Variants in ALK observed in about 807,000 individuals in gnomAD.
ALK encodes ALK receptor tyrosine kinase, also known as ALK tyrosine kinase receptor.
In ALK, 74 loss-of-function variants were observed where a neutral mutation model predicts 163.1. The observed-to-expected ratio is 0.45, with a 90% CI of 0.38 to 0.55. ALK has a LOEUF of 0.55. Among genes scored for constraint, ALK ranks in the 20% least tolerant of loss-of-function variants. The pLI is 0.00. For missense variants in ALK, 2,063 were observed against 2,105.3 expected, an observed-to-expected ratio of 0.98 and a Z score of 0.39; for synonymous variants, 960 against 843.2, an observed-to-expected ratio of 1.14 and a Z score of -2.40.
chr2:29,488,449 G>A (rs910544972), intron 4 of ALK, among the ~76,000 whole-genome samples: 5 of 152,104 alleles, frequency 3.3e-5, no homozygotes, highest in East Asian at 1.9e-4. Context: ...GCAGAACAGC[G>A]CTAGTTCAGG....
intron 3 of ALK, among the ~76,000 whole-genome samples, chr2:29,546,881 G>A (rs1450239096): frequency 1.3e-5 from 2 of 152,058 alleles, no homozygotes; most frequent in Non-Finnish European, 1.5e-5. Flanking sequence ...ATCTACTGTG[G>A]TTCTCAGATA....
chr2:29,236,842 A>G (rs1664399398), intron 13 of ALK, among the ~76,000 whole-genome samples: 1 of 152,082 alleles, frequency 6.6e-6, no homozygotes, highest in Non-Finnish European at 1.5e-5. Context: ...TCTCAAATTT[A>G]TGCTAATTTC....
At chr2:29,649,131 T>C (rs1432162254) in intron 3 of ALK, among the ~76,000 whole-genome samples, 1 of 152,090 alleles carries the variant, frequency 6.6e-6, no homozygotes, top group African/African-American at 2.4e-5. Context: ...TATGATATTG[T>C]GTATGCCTTT....
chr2:29,913,555 C>T (rs1439483496), intron 1 of ALK, among the ~76,000 whole-genome samples: 1 of 152,130 alleles, frequency 6.6e-6, no homozygotes, highest in Non-Finnish European at 1.5e-5. Context: ...TCCACATGAT[C>T]CTAGACCTAC....
At chr2:29,518,367 T>C (rs1481547656) in intron 4 of ALK, among the ~76,000 whole-genome samples, 2 of 152,218 alleles carry the variant, frequency 1.3e-5, no homozygotes, top group African/African-American at 4.8e-5. Context: ...GAATTGAATT[T>C]CTTTCCGAAT....
chr2:29,424,107 G>A (rs757700036), intron 4 of ALK, among the ~76,000 whole-genome samples: 1 of 152,164 alleles, frequency 6.6e-6, no homozygotes, highest in Non-Finnish European at 1.5e-5. Flanking sequence ...AAGCAAGAAA[G>A]AGAAAGAGAG....
intron 24 of ALK, among the ~76,000 whole-genome samples, chr2:29,211,774 G>GAAAAGATTGATTGA (rs55700008): frequency 0.011 from 1,621 of 151,946 alleles, 15 homozygotes; most frequent in Non-Finnish European, 0.016. Context: ...TGCCCCAGAA[G>GAAAAGATTGATTGA]GACAGTTTCT....
chr2:29,199,253 C>T (rs906509399), intron 26 of ALK, among the ~76,000 whole-genome samples: 4 of 152,168 alleles, frequency 2.6e-5, no homozygotes, highest in Non-Finnish European at 5.9e-5. Flanking sequence ...CGCACCTGGC[C>T]TTAGTTGCTT....
intron 13 of ALK, among the ~76,000 whole-genome samples, chr2:29,235,856 C>CTT (rs569363324): frequency 0.12 from 4,536 of 38,112 alleles, 1,121 homozygotes; most frequent in South Asian, 0.2. Flanking sequence ...CCAGGCTCGA[C>CTT]TTTTTTTTTT....
chr2:29,853,741 C>T (rs1435573819), intron 1 of ALK, among the ~76,000 whole-genome samples: 5 of 152,146 alleles, frequency 3.3e-5, no homozygotes, highest in African/African-American at 4.8e-5. Flanking sequence ...CAGGGTCAGC[C>T]CTTGCTGGGC....
chr2:29,201,343 C>T (rs1669174022), intron 26 of ALK, among the ~76,000 whole-genome samples: 1 of 152,166 alleles, frequency 6.6e-6, no homozygotes, highest in African/African-American at 2.4e-5. Flanking sequence ...TGAACCCACA[C>T]CATCTCCTCT....
At chr2:29,726,498 G>C (rs922334065) in intron 1 of ALK, among the ~76,000 whole-genome samples, 1 of 152,232 alleles carries the variant, frequency 6.6e-6, no homozygotes, top group Non-Finnish European at 1.5e-5. Flanking sequence ...TTTGGAGTGA[G>C]AGAGTCCTGG....
At chr2:29,444,121 T>C (rs1470486905) in intron 4 of ALK, among the ~76,000 whole-genome samples, 1 of 152,334 alleles carries the variant, frequency 6.6e-6, no homozygotes, top group Non-Finnish European at 1.5e-5. Flanking sequence ...GGAATGTTTA[T>C]TTAGTCTGCC....
chr2:29,400,841 G>T (rs1338961655), intron 4 of ALK, among the ~76,000 whole-genome samples: 1 of 152,112 alleles, frequency 6.6e-6, no homozygotes, highest in Non-Finnish European at 1.5e-5. Flanking sequence ...CAGGCATGGT[G>T]GCACATGCCT....
At chr2:29,796,781 G>A (rs1572386362) in intron 1 of ALK, among the ~76,000 whole-genome samples, 1 of 152,034 alleles carries the variant, frequency 6.6e-6, no homozygotes, top group East Asian at 1.9e-4. Flanking sequence ...CTCCGGTGTG[G>A]GGTGGGGCAC....
At chr2:29,728,415 G>A (rs557368566) in intron 1 of ALK, among the ~76,000 whole-genome samples, 165 of 152,324 alleles carry the variant, frequency 1.1e-3, no homozygotes, top group African/African-American at 3.7e-3. Context: ...GGCTGCATTC[G>A]TGAGCAGAAC....
At chr2:29,517,808 C>T (rs1405812397) in intron 4 of ALK, among the ~76,000 whole-genome samples, 3 of 152,140 alleles carry the variant, frequency 2.0e-5, no homozygotes, top group African/African-American at 7.2e-5. Flanking sequence ...CTTTGTTTTA[C>T]CTCCAAAGAC....
At chr2:29,657,232 T>C (rs1677209585) in intron 3 of ALK, among the ~76,000 whole-genome samples, 1 of 151,940 alleles carries the variant, frequency 6.6e-6, no homozygotes, top group African/African-American at 2.4e-5. Flanking sequence ...AAAGATAACA[T>C]TGGAAAAGAA....
intron 1 of ALK, among the ~76,000 whole-genome samples, chr2:29,805,921 C>G (rs1558496445): frequency 6.6e-6 from 1 of 152,106 alleles, no homozygotes; most frequent in Non-Finnish European, 1.5e-5. Flanking sequence ...GGCTAGGTAG[C>G]AGAGATACCA....
Sources: gnomAD v4.1 joint callset for allele counts (sites outside exome capture counted in the v4.1 genomes callset) on GRCh38, gnomAD v4.1.1 for gene constraint, MANE v1.5 for transcripts, NCBI Gene and HGNC (gene_info 2026-07-23, HGNC 2026-07-21) for gene names.